The following SPTLC2 variants were observed in gnomAD, a reference collection of about 807,000 sequenced individuals.
SPTLC2 encodes serine palmitoyltransferase 2.
Under a neutral mutation model 62.0 loss-of-function variants are expected in SPTLC2, and 21 were observed. The observed-to-expected ratio is 0.34, with a 90% CI of 0.24 to 0.49. SPTLC2 has a LOEUF of 0.49. SPTLC2 is among the 20% of genes least tolerant of loss of function. The pLI, the probability that SPTLC2 is intolerant of heterozygous loss-of-function variation, is 0.99. For missense variants in SPTLC2, 511 were observed against 713.0 expected (o/e 0.72, Z 3.23); for synonymous variants, 261 against 261.8 (o/e 1.00, Z 0.03).
intron 5 of SPTLC2, among the ~76,000 whole-genome samples, chr14:77,564,960 C>A (rs2079636405): frequency 6.6e-6 from 1 of 151,630 alleles, no homozygotes; most frequent in African/African-American, 2.4e-5. Flanking sequence ...CCAAGGTAAG[C>A]CGGGTGCGGT....
At chr14:77,516,924 T>C (rs2079362144) in intron 11 of SPTLC2, among the ~76,000 whole-genome samples, 1 of 152,254 alleles carries the variant, frequency 6.6e-6, no homozygotes. Context: ...TAATTAACTT[T>C]TATAAAGAAG....
At chr14:77,562,255 C>A (rs1028742148) in intron 6 of SPTLC2, 141 bp downstream of exon 6, 24 of 742,506 alleles carry the variant, frequency 3.2e-5, no homozygotes, top group Admixed American at 2.5e-4. Flanking sequence ...TTTTAAAAGA[C>A]TGGACCGGAA....
chr14:77,581,100 CG>C (rs1566786696), intron 2 of SPTLC2, among the ~76,000 whole-genome samples: 1 of 152,142 alleles, frequency 6.6e-6, no homozygotes, highest in African/African-American at 2.4e-5. Context: ...AACAAGAAAA[CG>C]AAACTACAGT....
At chr14:77,583,296 A>G (rs768172268) in intron 2 of SPTLC2, among the ~76,000 whole-genome samples, 2 of 152,126 alleles carry the variant, frequency 1.3e-5, no homozygotes, top group African/African-American at 4.8e-5. Flanking sequence ...CCTGCAGCTT[A>G]GCCATGAAAA....
At chr14:77,527,719 T>C (rs1039561301) in intron 9 of SPTLC2, among the ~76,000 whole-genome samples, 2 of 140,606 alleles carry the variant, frequency 1.4e-5, no homozygotes, top group African/African-American at 2.7e-5. Context: ...CTATAAATTT[T>C]CTGAACGCTC....
intron 5 of SPTLC2, among the ~76,000 whole-genome samples, chr14:77,567,986 C>T (rs1213248686): frequency 1.3e-5 from 2 of 151,888 alleles, no homozygotes; most frequent in African/African-American, 2.4e-5. Flanking sequence ...GTTTAGCACC[C>T]CTAAGCATTT....
rs1316920413 is a variant in SPTLC2 at position 77,527,560 on chromosome 14, A to G, written c.1304-5979T>C. On this transcript the variant is annotated intron_variant, in intron 9 of 11. Coordinates refer to ENST00000216484, the MANE Select transcript of SPTLC2 (RefSeq NM_004863.4). The stretch of plus-strand genomic sequence containing the variant: ...TACCAATTGCTTTTCAGTCATTTTT[A>G]AAAGGAATATTTTATCAAGTCTTAA... Among the ~76,000 whole-genome samples the G allele has an allele frequency of 2.6e-5, 4 of 152,224 alleles. No homozygotes were observed. In the South Asian group the frequency reaches 8.3e-4, roughly 32 times the overall value.
chr14:77,561,977 G>C (rs1232157488), intron 6 of SPTLC2, among the ~76,000 whole-genome samples: 3 of 152,182 alleles, frequency 2.0e-5, no homozygotes, highest in African/African-American at 7.2e-5. Context: ...CCTCCTCTGT[G>C]CTCCCACAGC....
At chr14:77,586,949 G>A (rs1173840232) in intron 2 of SPTLC2, among the ~76,000 whole-genome samples, 1 of 152,160 alleles carries the variant, frequency 6.6e-6, no homozygotes, top group African/African-American at 2.4e-5. Context: ...TTCTTGGCCG[G>A]GCGCAGTGGC....
intron 1 of SPTLC2, among the ~76,000 whole-genome samples, chr14:77,615,795 G>A (rs993357116): frequency 4.6e-5 from 7 of 152,202 alleles, no homozygotes; most frequent in Admixed American, 1.3e-4. Flanking sequence ...TTCAGGAAAG[G>A]GTCGAAGGGG....
chr14:77,603,857 A>T (rs2079890807), intron 1 of SPTLC2, among the ~76,000 whole-genome samples: 1 of 152,124 alleles, frequency 6.6e-6, no homozygotes, highest in African/African-American at 2.4e-5. Context: ...ACACTTTTCC[A>T]TCTCTAGATA....
At chr14:77,592,780 T>C (rs890194183) in intron 2 of SPTLC2, among the ~76,000 whole-genome samples, 2 of 152,106 alleles carry the variant, frequency 1.3e-5, no homozygotes, top group Admixed American at 6.6e-5. Context: ...TTTTCCTCTT[T>C]GTATCCATAT....
chr14:77,569,957 G>A (rs572947355), intron 5 of SPTLC2, among the ~76,000 whole-genome samples: 10 of 147,376 alleles, frequency 6.8e-5, no homozygotes, highest in Admixed American at 2.0e-4. Flanking sequence ...GAGCCACTGC[G>A]CCTGGCCACA....
intron 2 of SPTLC2, among the ~76,000 whole-genome samples, chr14:77,583,457 G>A (rs757476253): frequency 1.4e-4 from 21 of 152,010 alleles, no homozygotes; most frequent in Non-Finnish European, 2.2e-4. Context: ...ATCTTAGTGA[G>A]TACTCGATAC....
chr14:77,537,389 T>C lies in SPTLC2; in HGVS notation c.1303+14707A>G, dbSNP rs186185637. On this transcript the variant is annotated intron_variant, in intron 9 of 11. Transcript: ENST00000216484. ...GCTCTTGTTTATAAGTTCCTGTTAC[T>C]GTACTTATGCCGTTTATGTGTGGTC... Among the ~76,000 whole-genome samples, 98 of 152,312 alleles carry C rather than the reference T, an allele frequency of 6.4e-4. 2 individuals carry two copies. The highest frequency in any genetic ancestry group is 2.0e-3 in the African/African-American group (85 of 41,568).
chr14:77,545,039 A>G (rs1386002050), intron 9 of SPTLC2, among the ~76,000 whole-genome samples: 1 of 151,842 alleles, frequency 6.6e-6, no homozygotes, highest in African/African-American at 2.4e-5. Flanking sequence ...AGTCATCCCT[A>G]TGCTTATTAC....
At chr14:77,584,991 A>G (rs2079773337) in intron 2 of SPTLC2, among the ~76,000 whole-genome samples, 1 of 152,292 alleles carries the variant, frequency 6.6e-6, no homozygotes, top group Non-Finnish European at 1.5e-5. Context: ...CACCAGCGCG[A>G]TTCTATGTGC....
intron 2 of SPTLC2, among the ~76,000 whole-genome samples, chr14:77,595,352 G>A (rs1006596424): frequency 6.6e-5 from 10 of 152,086 alleles, no homozygotes; most frequent in Non-Finnish European, 1.3e-4. Context: ...GTGACTGAGC[G>A]AGACTCTTGT....
In SPTLC2 at chr14:77,510,173, A is replaced by C. The variant is rs956178775; in HGVS notation, c.*2111T>G. 1 of 380,038 alleles carries C rather than the reference A, an allele frequency of 2.6e-6. No individual in the cohort carries two copies. The highest frequency in any genetic ancestry group is 4.5e-5 in the Admixed American group (1 of 22,232). The allele number at this position is 380,038 out of a possible 1,614,324, so 23.5% of individuals were successfully genotyped here. ...CTTCTTACTTTAACCTATACATGCT[A>C]AATATAGTCTCTGCATCTCTCCTTG... On this transcript the variant is annotated 3_prime_UTR_variant, in exon 12 of 12. Coordinates refer to ENST00000216484, the MANE Select transcript of SPTLC2 (RefSeq NM_004863.4).
Sources: allele counts gnomAD v4.1 joint callset (sites outside exome capture counted in the v4.1 genomes callset), GRCh38; gene constraint gnomAD v4.1.1; transcripts MANE v1.5; gene names NCBI Gene and HGNC (gene_info 2026-07-23, HGNC 2026-07-21).